GIGYF2: variants seen among roughly 807,000 people sequenced by gnomAD.
GIGYF2 encodes the protein GRB10 interacting GYF protein 2.
A neutral mutation model predicts 208.1 loss-of-function variants in GIGYF2; 25 were observed. That is an observed-to-expected ratio of 0.12 (90% CI 0.09 to 0.17). The LOEUF is 0.17. GIGYF2 is among the 10% of genes least tolerant of loss of function. The pLI, the probability that GIGYF2 is intolerant of heterozygous loss-of-function variation, is 1.00. For synonymous variants in GIGYF2, 534 were observed against 543.8 expected (o/e 0.98, Z 0.25); for missense variants, 1,302 against 1,579.4 (o/e 0.82, Z 2.98).
intron 20 of GIGYF2, among the ~76,000 whole-genome samples, chr2:232,818,294 T>C (rs1336153048): frequency 1.3e-5 from 2 of 152,236 alleles, no homozygotes; most frequent in Admixed American, 6.5e-5. Flanking sequence ...AAACAAACTC[T>C]ACACGTATAT....
At chr2:232,740,224 A>T (rs766284699) in intron 3 of GIGYF2, among the ~76,000 whole-genome samples, 1 of 152,174 alleles carries the variant, frequency 6.6e-6, no homozygotes, top group Non-Finnish European at 1.5e-5. Context: ...TGAGAGTCTG[A>T]GGCTGGAGGA....
chr2:232,785,102 T>TA (rs1036733877), intron 8 of GIGYF2, among the ~76,000 whole-genome samples: 4 of 151,918 alleles, frequency 2.6e-5, no homozygotes, highest in Non-Finnish European at 4.4e-5. Flanking sequence ...TTTTTTTTTT[T>TA]AATAAATTAC....
At chr2:232,823,318 A>T (rs1701151968) in intron 21 of GIGYF2, among the ~76,000 whole-genome samples, 1 of 150,636 alleles carries the variant, frequency 6.6e-6, no homozygotes, top group Non-Finnish European at 1.5e-5. Flanking sequence ...TGTGTTCATG[A>T]GGGAGAGATA....
chr2:232,836,314 A>ACT (rs1559160630), intron 22 of GIGYF2, among the ~76,000 whole-genome samples: 9 of 24,014 alleles, frequency 3.7e-4, no homozygotes, highest in African/African-American at 1.0e-3. Flanking sequence ...ATATATATAT[A>ACT]TATATATATA....
At chr2:232,721,664 C>A (rs1559382236) in intron 2 of GIGYF2, among the ~76,000 whole-genome samples, 1 of 152,152 alleles carries the variant, frequency 6.6e-6, no homozygotes, top group Non-Finnish European at 1.5e-5. Flanking sequence ...TCAGGTTAGC[C>A]ATTTTTTCTC....
Position 232,749,906 on chromosome 2 carries a change from C to T in GIGYF2, c.267+824C>T, listed in dbSNP as rs577258102. 5.1e-3 allele frequency among the ~76,000 whole-genome samples: 780 copies of T among 152,150 alleles called. 4 individuals carry two copies. The highest frequency in any genetic ancestry group is 0.018 in the African/African-American group (755 of 41,494). ...ATTTTGAACGACAAAAATGTTGGGG[C>T]CAGACGCATGACTCACACCTGTAAT... is the stretch of plus-strand genomic sequence containing the variant. On this transcript the variant is annotated intron_variant, in intron 5 of 28. Transcript: ENST00000373563.
intron 2 of GIGYF2, among the ~76,000 whole-genome samples, chr2:232,732,326 C>G (rs926424505): frequency 4.6e-5 from 7 of 152,124 alleles, no homozygotes; most frequent in Non-Finnish European, 8.8e-5. Flanking sequence ...GTGTTTTTCC[C>G]CCCTTTCTTT....
chr2:232,808,755 C>T (rs1255303656), intron 15 of GIGYF2, among the ~76,000 whole-genome samples: 1 of 152,012 alleles, frequency 6.6e-6, no homozygotes, highest in East Asian at 1.9e-4. Context: ...TTTCTTTCTC[C>T]TAATTTTAAC....
intron 3 of GIGYF2, chr2:232,736,335 G>A (rs1160039031): frequency 3.1e-6 from 1 of 321,654 alleles, no homozygotes; most frequent in East Asian, 1.7e-4. Flanking sequence ...TAACTAGTAA[G>A]CCAGAAATAA....
intron 8 of GIGYF2, chr2:232,771,405 T>G: frequency 1.4e-6 from 2 of 1,409,314 alleles, no homozygotes; most frequent in Non-Finnish European, 2.0e-6. Flanking sequence ...ATTAGTAAGC[T>G]CTTAACTGTT....
chr2:232,748,443 TG>T (rs1482432271), intron 4 of GIGYF2, among the ~76,000 whole-genome samples: 1 of 152,096 alleles, frequency 6.6e-6, no homozygotes, highest in Non-Finnish European at 1.5e-5. Flanking sequence ...TTCCCACGCT[TG>T]GCTAATTTTT....
intron 2 of GIGYF2, among the ~76,000 whole-genome samples, chr2:232,712,772 C>T (rs144091308): frequency 1.1e-4 from 17 of 152,094 alleles, no homozygotes; most frequent in Middle Eastern, 3.4e-3. Context: ...GAGTGGAACA[C>T]GTTTCAATGT....
Position 232,809,764 on chromosome 2 carries a change from A to G in GIGYF2, c.1851A>G (p.Thr617=). Residue 617 remains threonine, a synonymous_variant, in exon 16 of 29, where the codon ACA becomes ACG. Transcript: ENST00000373563. ...GACTGACCAGGCAGCAAGAACTCACAGCCTTATACCAGATGCAGCACCTGC... is the reference window on the plus strand; with the variant it reads ...GACTGACCAGGCAGCAAGAACTCACGGCCTTATACCAGATGCAGCACCTGC... ...QERLTRQQEL[T]ALYQMQHLQY... The G allele has an allele frequency of 6.2e-7, 1 of 1,611,870 alleles. No individual in the cohort carries two copies. The highest frequency in any genetic ancestry group is 1.1e-5 in the South Asian group (1 of 91,042).
chr2:232,768,394 T>C, intron 8 of GIGYF2: 1 of 1,614,190 alleles, frequency 6.2e-7, no homozygotes, highest in Non-Finnish European at 8.5e-7. Context: ...TGATGTAACA[T>C]GATTTCAGAC....
At position 232,773,967 on chromosome 2, in the gene GIGYF2, A is replaced by G. The variant is rs1031116265; in HGVS notation, c.532+12531A>G. On this transcript the variant is annotated intron_variant, in intron 8 of 28. Transcript: ENST00000373563. ...AAGTTTCACAGTAATAAGTATCACTATTAGTCCCATTTTACAGATAACGAA... is the reference window on the plus strand; with the variant it reads ...AAGTTTCACAGTAATAAGTATCACTGTTAGTCCCATTTTACAGATAACGAA... Among the ~76,000 whole-genome samples the G allele has an allele frequency of 5.3e-5, 8 of 150,974 alleles. No homozygotes were observed. In the South Asian group the frequency reaches 1.7e-3, roughly 31 times the overall value.
intron 2 of GIGYF2, among the ~76,000 whole-genome samples, chr2:232,712,354 C>T (rs1410184277): frequency 6.6e-6 from 1 of 152,168 alleles, no homozygotes; most frequent in African/African-American, 2.4e-5. Context: ...CCCATTTCAT[C>T]ATGTAGAATA....
chr2:232,793,906 G>T (rs951481345), intron 12 of GIGYF2, among the ~76,000 whole-genome samples: 5 of 152,162 alleles, frequency 3.3e-5, no homozygotes, highest in Non-Finnish European at 4.4e-5. Context: ...ATTGTATTTG[G>T]CAACTTTGTG....
intron 2 of GIGYF2, among the ~76,000 whole-genome samples, chr2:232,730,808 G>A (rs1037070674): frequency 7.8e-6 from 1 of 128,126 alleles, no homozygotes; most frequent in African/African-American, 3.0e-5. Context: ...TGAGGCAGGA[G>A]AATGGCGTGA....
At chr2:232,844,680 C>T (rs1701939729) in intron 25 of GIGYF2, 106 bp downstream of exon 25, 2 of 763,150 alleles carry the variant, frequency 2.6e-6, no homozygotes, top group Admixed American at 4.0e-5. Context: ...TGAGTTTTTG[C>T]TTACCGTTTT....
Sources: allele counts gnomAD v4.1 joint callset (sites outside exome capture counted in the v4.1 genomes callset), GRCh38; gene constraint gnomAD v4.1.1; transcripts MANE v1.5; gene names NCBI Gene and HGNC (gene_info 2026-07-23, HGNC 2026-07-21).